SERPINA1: variants seen among roughly 807,000 people sequenced by gnomAD.
The protein encoded by SERPINA1 is alpha-1-antitrypsin.
A neutral mutation model predicts 25.4 loss-of-function variants in SERPINA1; 21 were observed. The observed-to-expected ratio is 0.83, with a 90% CI of 0.59 to 1.19. The LOEUF (loss-of-function observed/expected upper bound fraction) is 1.19, where lower values mean the gene tolerates loss of function less well. Among genes scored for constraint, SERPINA1 ranks in the 50% most tolerant of loss-of-function variants. SERPINA1 has a pLI of 0.00. For synonymous variants in SERPINA1, 218 were observed against 211.1 expected, an observed-to-expected ratio of 1.03 and a Z score of -0.29; for missense variants, 546 against 509.0, an observed-to-expected ratio of 1.07 and a Z score of -0.70.
At chr14:94,384,399 G>C (rs75119603) in intron 1 of SERPINA1, among the ~76,000 whole-genome samples, 1,625 of 152,284 alleles carry the variant, frequency 0.011, 28 homozygotes, top group South Asian at 0.076. Flanking sequence ...AAATTCAAAG[G>C]CTTCAGGTGA....
At chr14:94,389,571 G>A (rs534772617), upstream of SERPINA1, 50 of 152,390 alleles carry the variant, frequency 3.3e-4, no homozygotes, top group Admixed American at 1.2e-3. Flanking sequence ...TGCTGGGGGT[G>A]GAGGGGAGGG....
chr14:94,380,978 G>T lies in SERPINA1; in HGVS notation c.810C>A (p.Gly270=). Residue 270 remains glycine (G), a synonymous_variant, in exon 3 of 5, where the codon GGC becomes GGA. Transcript: ENST00000393087. ...SSWVLLMKYL[G]NATAIFFLPD... is the part of the protein sequence containing the mutation. ...GCAGGAAGAAGATGGCGGTGGCATTGCCCAGGTATTTCATCAGCAGCACCC... is the reference window on the plus strand; with the variant it reads ...GCAGGAAGAAGATGGCGGTGGCATTTCCCAGGTATTTCATCAGCAGCACCC... The T allele has an allele frequency of 6.2e-7, 1 of 1,614,112 alleles. No homozygotes were observed. Among genetic ancestry groups the T allele is most frequent in the Non-Finnish European group, 8.5e-7 (1 of 1,180,018 alleles).
chr14:94,385,347 G>T (rs1241149730), intron 1 of SERPINA1, among the ~76,000 whole-genome samples: 1 of 152,142 alleles, frequency 6.6e-6, no homozygotes, highest in Non-Finnish European at 1.5e-5. Context: ...GGTTTTTTTT[G>T]AGACAGAGTC....
In SERPINA1 at chr14:94,381,149, GA is replaced by G. The variant is rs1566754489; in HGVS notation, c.647-9del. 8 of 1,610,612 alleles carry G rather than the reference GA, an allele frequency of 5.0e-6. No individual in the cohort carries two copies. The highest frequency in any genetic ancestry group is 6.8e-6 in the Non-Finnish European group (8 of 1,179,876). ...AGGGTCTCTCCCATTTGCCTGGAGAGAGGGGAAGGTGGGCATCACCAGGGGT... is the reference window on the plus strand; with the variant it reads ...AGGGTCTCTCCCATTTGCCTGGAGAGGGGGAAGGTGGGCATCACCAGGGGT... On this transcript the variant is annotated splice_polypyrimidine_tract_variant and intron_variant, in intron 2 of 4. Transcript: ENST00000393087.
At chr14:94,383,295 C>T (rs1028315550) in intron 1 of SERPINA1, 54 bp from the exon 2 acceptor site, 2 of 1,563,792 alleles carry the variant, frequency 1.3e-6, no homozygotes, top group Admixed American at 3.5e-5. Context: ...ATGATGACTC[C>T]CAGTGATCAG....
chr14:94,382,566 A>T, intron 2 of SERPINA1, 26 bp downstream of exon 2: 2 of 1,614,218 alleles, frequency 1.2e-6, no homozygotes, highest in Non-Finnish European at 1.7e-6. Context: ...CTATGGGAAC[A>T]GCTCAGGCTG....
At chr14:94,379,103 C>G (rs1896640080) in intron 4 of SERPINA1, 4 of 565,814 alleles carry the variant, frequency 7.1e-6, no homozygotes, top group African/African-American at 1.9e-5. Context: ...ATTCAGACAC[C>G]AAATCTCACA....
At position 94,378,267 on chromosome 14, in the gene SERPINA1, G is replaced by C. The variant is rs138518740; in HGVS notation, c.*182C>G. 1 of 629,302 alleles carries C rather than the reference G, an allele frequency of 1.6e-6. No homozygotes were observed. The highest frequency in any genetic ancestry group is 2.7e-5 in the East Asian group (1 of 36,682). 39.0% of individuals were successfully genotyped at this position (629,302 alleles called of 1,614,324 possible). Reference sequence around the variant, plus strand: ...AGATGCTCCATGAACACAGTTCAGGGGGCCCGAAGACAGCACTGTTACCTG... The same window carrying C: ...AGATGCTCCATGAACACAGTTCAGGCGGCCCGAAGACAGCACTGTTACCTG... On this transcript the variant is annotated 3_prime_UTR_variant, in exon 5 of 5. Coordinates refer to ENST00000393087, the MANE Select transcript of SERPINA1 (RefSeq NM_000295.5).
At chr14:94,380,649 A>ACCCCTTTT (rs1896832237) in intron 3 of SERPINA1, 1 of 612,936 alleles carries the variant, frequency 1.6e-6, no homozygotes, top group African/African-American at 1.8e-5. Flanking sequence ...CGAGACCTTT[A>ACCCCTTTT]CCTCCTCACC....
upstream of SERPINA1, chr14:94,389,081 A>T (rs979071087): frequency 2.0e-5 from 3 of 152,274 alleles, no homozygotes; most frequent in African/African-American, 4.8e-5. Flanking sequence ...GAGACCGCTC[A>T]TCCAAAGTTA....
intron 4 of SERPINA1, among the ~76,000 whole-genome samples, chr14:94,378,855 C>T (rs1010913373): frequency 6.6e-6 from 1 of 152,372 alleles, no homozygotes; most frequent in East Asian, 1.9e-4. Context: ...CGCCTCTCCC[C>T]CTGCTCAGGT....
intron 1 of SERPINA1, among the ~76,000 whole-genome samples, chr14:94,385,000 G>T (rs563849322): frequency 2.6e-5 from 4 of 152,334 alleles, no homozygotes; most frequent in African/African-American, 9.6e-5. Context: ...ACTAAAGACG[G>T]TGCTAAAATT....
Position 94,378,242 on chromosome 14 carries a change from A to G in SERPINA1, c.*207T>C. ...AAGCCCAGCATGTGCCTACCCAGCC[A>G]GATGCTCCATGAACACAGTTCAGGG... is the stretch of plus-strand genomic sequence containing the variant. On this transcript the variant is annotated 3_prime_UTR_variant, in exon 5 of 5. Transcript: ENST00000393087. 1.7e-6 allele frequency: 1 copy of G among 605,732 alleles called. No individual in the cohort carries two copies. The highest frequency in any genetic ancestry group is 2.9e-6 in the Non-Finnish European group (1 of 341,050). 37.5% of individuals were successfully genotyped at this position (605,732 alleles called of 1,614,324 possible).
intron 3 of SERPINA1, 63 bp from the exon 4 acceptor site, chr14:94,379,674 C>A (rs938319999): frequency 3.7e-6 from 6 of 1,608,764 alleles, no homozygotes; most frequent in Non-Finnish European, 4.3e-6. Context: ...CTGGGACCCA[C>A]CACAGTGCAA....
rs764325655 is a variant in SERPINA1 at position 94,378,547 on chromosome 14, CG to C, written c.1158del (p.Glu387ArgfsTer11). On this transcript the variant is annotated frameshift_variant, in exon 5 of 5. Coordinates refer to ENST00000393087, the MANE Select transcript of SERPINA1 (RefSeq NM_000295.5). LOFTEE classifies it low-confidence loss of function (END_TRUNC). ...ACAAAGGGTTTGTTGAACTTGACCT[CG>C]GGGGGGATAGACATGGGTATGGCCT... ...FLEAIPMSIPPEVKFNKPFVF... is the reference protein window; with the variant it reads ...FLEAIPMSIPXEVKFNKPFVF... The C allele has an allele frequency of 6.8e-6, 11 of 1,613,638 alleles. No individual in the cohort carries two copies. The highest frequency in any genetic ancestry group is 8.5e-6 in the Non-Finnish European group (10 of 1,179,864).
rs746198853 is a variant in SERPINA1, at chr14:94,377,062, T to C, written c.*1387A>G. The C allele has an allele frequency of 6.6e-6, 1 of 152,246 alleles. No homozygotes were observed. The highest frequency in any genetic ancestry group is 1.5e-5 in the Non-Finnish European group (1 of 68,052). 9.4% of individuals were successfully genotyped at this position (152,246 alleles called of 1,614,324 possible). On this transcript the variant is annotated 3_prime_UTR_variant, in exon 5 of 5. Transcript: ENST00000393087. ...GGAGACTTGTGTGGGAAACAGTCGGTATCCATTGATTAGACTGAATCATGT... is the reference window on the plus strand; with the variant it reads ...GGAGACTTGTGTGGGAAACAGTCGGCATCCATTGATTAGACTGAATCATGT...
rs752646694 is a variant in SERPINA1, at chr14:94,383,109, A to T, written c.129T>A (p.Asp43Glu). The change falls in exon 2 of 5, where the codon GAT becomes GAA. Residue 43 changes from aspartate (D) to glutamate (E), a missense_variant. Coordinates refer to ENST00000393087, the MANE Select transcript of SERPINA1 (RefSeq NM_000295.5). ...GGGTGATCTTGTTGAAGGTTGGGTG[A>T]TCCTGATCATGGTGGGATGTATCTG... ...QKTDTSHHDQ[D>E]HPTFNKITPN... The T allele has an allele frequency of 1.2e-6, 2 of 1,614,168 alleles. No individual in the cohort carries two copies. The highest frequency in any genetic ancestry group is 1.7e-6 in the Non-Finnish European group (2 of 1,180,018).
chr14:94,385,627 A>G (rs1897237798), intron 1 of SERPINA1, among the ~76,000 whole-genome samples: 1 of 152,232 alleles, frequency 6.6e-6, no homozygotes, highest in Non-Finnish European at 1.5e-5. Flanking sequence ...GCACCCAGCC[A>G]GGATTCTTGG....
chr14:94,382,867 A>G lies in SERPINA1; in HGVS notation c.371T>C (p.Leu124Pro). 6.2e-7 allele frequency: 1 copy of G among 1,614,152 alleles called. No homozygotes were observed. The highest frequency in any genetic ancestry group is 1.1e-5 in the South Asian group (1 of 91,086). Residue 124 changes from leucine (L) to proline (P), a missense_variant, in exon 2 of 5, where the codon CTC becomes CCC. Leu to Pro is a moderately conservative substitution (Grantham distance 98). Transcript: ENST00000393087. Reference protein sequence around the residue: ...AQIHEGFQELLRTLNQPDSQL... With the variant: ...AQIHEGFQELPRTLNQPDSQL... ...GCTGTCTGGCTGGTTGAGGGTACGG[A>G]GGAGTTCCTGGAAGCCTTCATGGAT...
Sources: gnomAD v4.1 joint callset for allele counts (sites outside exome capture counted in the v4.1 genomes callset) on GRCh38, gnomAD v4.1.1 for gene constraint, MANE v1.5 for transcripts, NCBI Gene and HGNC (gene_info 2026-07-23, HGNC 2026-07-21) for gene names.